Variants in MBD3 observed in about 807,000 individuals in gnomAD.
The protein encoded by MBD3 is methyl-CpG-binding domain protein 3.
A neutral mutation model predicts 31.2 loss-of-function variants in MBD3; 13 were observed. The ratio of observed to expected loss-of-function variants is 0.42; its 90% CI spans 0.27 to 0.66. The LOEUF (loss-of-function observed/expected upper bound fraction) is 0.66. Ranked by LOEUF, MBD3 falls within the 30% of genes least tolerant of loss-of-function variation. The probability of loss-of-function intolerance (pLI) is 0.26; values close to 1 mark genes in which losing one functional copy is unlikely to be tolerated. For synonymous variants in MBD3, 223 were observed against 187.4 expected (o/e 1.19, Z -1.55); for missense variants, 440 against 426.5 (o/e 1.03, Z -0.28).
intron 4 of MBD3, 149 bp downstream of exon 4, chr19:1,582,473 C>T (rs2060657297): frequency 1.4e-6 from 1 of 726,750 alleles, no homozygotes; most frequent in Admixed American, 2.1e-5. Flanking sequence ...CCCACTGGGT[C>T]CCCTCCTCCT....
At chr19:1,579,234 C>T (rs1917290757) in intron 5 of MBD3, among the ~76,000 whole-genome samples, 1 of 149,456 alleles carries the variant, frequency 6.7e-6, no homozygotes, top group African/African-American at 2.5e-5. Context: ...AATCAGCTAC[C>T]ATCAGCCCGC....
Position 1,575,086 on chromosome 19 carries a change from G to A in MBD3, c.*3078C>T, listed in dbSNP as rs1043398191. On this transcript the variant is annotated 3_prime_UTR_variant, in exon 7 of 7. Transcript: ENST00000434436. ...CCCTCTGTGGCGGCAGCGGTGGGGAGCTTGGTCTGAGGGGAGGCGGGGGAC... is the reference window on the plus strand; with the variant it reads ...CCCTCTGTGGCGGCAGCGGTGGGGAACTTGGTCTGAGGGGAGGCGGGGGAC... 1 of 380,514 alleles carries A rather than the reference G, an allele frequency of 2.6e-6. No individual in the cohort carries two copies. Among genetic ancestry groups the A allele is most frequent in the Non-Finnish European group, 5.4e-6 (1 of 184,802 alleles). The allele number at this position is 380,514 out of a possible 1,614,324, so 23.6% of individuals were successfully genotyped here.
In MBD3 at chr19:1,584,600, G is replaced by A; in HGVS notation, c.348C>T (p.Thr116=). 2 of 1,613,934 alleles carry A rather than the reference G, an allele frequency of 1.2e-6. No individual in the cohort carries two copies. Among genetic ancestry groups the A allele is most frequent in the South Asian group, 1.1e-5 (1 of 91,092 alleles). The change falls in exon 3 of 7, where the codon ACC becomes ACT. Residue 116 remains threonine, a synonymous_variant. Transcript: ENST00000434436. ...SIFKQPVTKI[T]NHPSNKVKSD... ...TCTTGACCTTGTTGCTGGGGTGGTT[G>A]GTAATCTTGGTCACCGGCTGCTTGA...
chr19:1,580,004 C>T (rs922383319), intron 5 of MBD3, among the ~76,000 whole-genome samples: 5 of 152,208 alleles, frequency 3.3e-5, no homozygotes, highest in African/African-American at 9.7e-5. Context: ...GTGATCCTCC[C>T]GCCTCGGCCT....
Position 1,574,813 on chromosome 19 carries a change from C to A in MBD3, c.*3351G>T. ...CTGTGACAGCCATGAGGGACACACA[C>A]AGGCGAGGGGCATCCCCGGGGATCT... On this transcript the variant is annotated 3_prime_UTR_variant, in exon 7 of 7. Transcript: ENST00000434436. 1 of 168,892 alleles carries A rather than the reference C, an allele frequency of 5.9e-6. No individual in the cohort carries two copies. Among genetic ancestry groups the A allele is most frequent in the South Asian group, 1.2e-4 (1 of 8,440 alleles). 10.5% of individuals were successfully genotyped at this position (168,892 alleles called of 1,614,324 possible).
At chr19:1,589,537 C>T (rs1261033487) in intron 1 of MBD3, among the ~76,000 whole-genome samples, 1 of 152,008 alleles carries the variant, frequency 6.6e-6, no homozygotes, top group Non-Finnish European at 1.5e-5. Context: ...CCTGTAATCC[C>T]AGCTACTCAG....
At chr19:1,589,121 CAGG>C (rs972749736) in intron 1 of MBD3, among the ~76,000 whole-genome samples, 3 of 152,010 alleles carry the variant, frequency 2.0e-5, no homozygotes, top group Non-Finnish European at 4.4e-5. Context: ...CACCTGAGAT[CAGG>C]AGTTCGAGAC....
intron 4 of MBD3, chr19:1,581,657 A>T: frequency 2.9e-6 from 1 of 339,132 alleles, no homozygotes; most frequent in Non-Finnish European, 5.7e-6. Flanking sequence ...TGCTGAGAGA[A>T]CCACTTGAGC....
chr19:1,580,698 T>C lies in MBD3; in HGVS notation c.677+394A>G, dbSNP rs573797399. 3.9e-5 allele frequency among the ~76,000 whole-genome samples: 6 copies of C among 152,294 alleles called. No homozygotes were observed. The South Asian group carries it at 1.2e-3, about 32-fold the overall frequency. On this transcript the variant is annotated intron_variant, in intron 5 of 6. Coordinates refer to ENST00000434436, the MANE Select transcript of MBD3 (RefSeq NM_001281453.2). ...TTCTGAGCGGCCGTGTTCCCTGCTG[T>C]TCGTTCCGAGGCTCTGCACATCAGA... is the stretch of plus-strand genomic sequence containing the variant.
intron 1 of MBD3, among the ~76,000 whole-genome samples, chr19:1,588,728 G>A (rs1321194259): frequency 7.1e-6 from 1 of 141,540 alleles, no homozygotes; most frequent in Non-Finnish European, 1.5e-5. Flanking sequence ...GCAGTGAGCC[G>A]AGATCATGAC....
chr19:1,583,121 T>C, intron 3 of MBD3: 1 of 221,920 alleles, frequency 4.5e-6, no homozygotes, highest in Non-Finnish European at 9.3e-6. Context: ...GGAGAATCAC[T>C]TGAACCCAGG....
chr19:1,584,963 C>T (rs2060671414), intron 2 of MBD3, 92 bp downstream of exon 2: 3 of 1,541,806 alleles, frequency 1.9e-6, no homozygotes, highest in East Asian at 2.3e-5. Flanking sequence ...GCGCTCAGGA[C>T]GCCGGGCTGT....
Position 1,585,196 on chromosome 19 carries a change from G to C in MBD3, c.129C>G (p.Phe43Leu). ...AGCGCGCCAGCTGCGGCTTGCTGCG[G>C]AACTTCTTCCCGCTCGGGCTGCGGG... ...VFYYSPSGKKFRSKPQLARYL... is the reference protein window; with the variant it reads ...VFYYSPSGKKLRSKPQLARYL... The change falls in exon 2 of 7, where the codon TTC becomes TTG. Residue 43 changes from phenylalanine to leucine, a missense_variant. Transcript: ENST00000434436. The surrounding 1 kb of genome is among the most constrained non-coding windows in gnomAD (Gnocchi z 4.1). 6.2e-7 allele frequency: 1 copy of C among 1,602,444 alleles called. No individual in the cohort carries two copies. The highest frequency in any genetic ancestry group is 8.5e-7 in the Non-Finnish European group (1 of 1,178,334).
chr19:1,581,021 C>G, intron 5 of MBD3, 71 bp downstream of exon 5: 2 of 1,561,884 alleles, frequency 1.3e-6, no homozygotes, highest in Non-Finnish European at 1.8e-6. Flanking sequence ...CGCAGGCACA[C>G]GGGGACACTC....
chr19:1,579,783 CTTATT>C (rs949620611), intron 5 of MBD3, among the ~76,000 whole-genome samples: 11 of 151,100 alleles, frequency 7.3e-5, no homozygotes, highest in Non-Finnish European at 1.3e-4. Context: ...TCTATAAGTT[CTTATT>C]TTATTTTTTT....
chr19:1,584,399 T>C, intron 3 of MBD3, 141 bp downstream of exon 3: 1 of 1,300,576 alleles, frequency 7.7e-7, no homozygotes, highest in East Asian at 2.3e-5. Flanking sequence ...TACTTGTTTT[T>C]TGCCTCGTCA....
At position 1,578,053 on chromosome 19, in the gene MBD3, T is replaced by C. The variant is rs2145590072; in HGVS notation, c.*111A>G. On this transcript the variant is annotated 3_prime_UTR_variant, in exon 7 of 7. Coordinates refer to ENST00000434436, the MANE Select transcript of MBD3 (RefSeq NM_001281453.2). This position sits in a 1 kb window ranked among gnomAD's most constrained non-coding sequence, Gnocchi z 6.1. ...GGAGCCAGGAGCACGGCCTTCCTCC[T>C]GGGTGTCTCCAAGGCTGGGCTTCGC... 3.6e-6 allele frequency: 2 copies of C among 548,742 alleles called. No individual in the cohort carries two copies. Among genetic ancestry groups the C allele is most frequent in the East Asian group, 3.1e-5 (1 of 31,824 alleles). 34.0% of individuals were successfully genotyped at this position (548,742 alleles called of 1,614,324 possible). A position where few individuals can be genotyped will look rare whatever the true frequency, so the allele number is the denominator to read the frequency against.
intron 3 of MBD3, chr19:1,583,211 GA>G (rs56342603): frequency 0.22 from 23,821 of 106,146 alleles, 1,971 homozygotes; most frequent in Non-Finnish European, 0.26. Flanking sequence ...TCTCAAAAAA[GA>G]AAAAAAAAAA....
intron 1 of MBD3, among the ~76,000 whole-genome samples, chr19:1,590,489 G>A (rs1210108409): frequency 2.6e-5 from 4 of 151,898 alleles, no homozygotes; most frequent in Non-Finnish European, 5.9e-5. Context: ...ATGGTGGCAC[G>A]TGCCTGTAAT....
Sources: allele counts gnomAD v4.1 joint callset (sites outside exome capture counted in the v4.1 genomes callset), GRCh38; gene constraint gnomAD v4.1.1; non-coding constraint Gnocchi (gnomAD v3.1); transcripts MANE v1.5; gene names NCBI Gene and HGNC (gene_info 2026-07-23, HGNC 2026-07-21).